Variants in TECTA observed in about 807,000 individuals in gnomAD.
TECTA encodes alpha-tectorin.
TECTA carries 128 observed loss-of-function variants against 216.8 expected under a neutral mutation model. The observed-to-expected ratio is 0.59, with a 90% CI of 0.51 to 0.68. The LOEUF (loss-of-function observed/expected upper bound fraction) is 0.68. Among genes scored for constraint, TECTA ranks in the 30% least tolerant of loss-of-function variants. The pLI is 0.00. For synonymous variants in TECTA, 1,089 were observed against 1,117.1 expected, an observed-to-expected ratio of 0.97 and a Z score of 0.50; for missense variants, 2,551 against 2,786.2, an observed-to-expected ratio of 0.92 and a Z score of 1.90.
rs1419633165 is a variant in TECTA, at chr11:121,129,778, G to A, written c.2508G>A (p.Arg836=). Residue 836 remains arginine, a synonymous_variant, in exon 10 of 24, where the codon CGG becomes CGA. Transcript: ENST00000392793. ...QYSDIGLLYI[R]LSTTYFNCTG... is the part of the protein sequence containing the mutation. ...CAGACATAGGTCTATTGTACATCCG[G>A]CTGTCCACCACATACTTCAATTGCA... The A allele has an allele frequency of 1.2e-6, 2 of 1,614,190 alleles. No homozygotes were observed. The highest frequency in any genetic ancestry group is 1.7e-6 in the Non-Finnish European group (2 of 1,180,034).
intron 6 of TECTA, among the ~76,000 whole-genome samples, chr11:121,115,446 CAT>C (rs1413082712): frequency 6.6e-6 from 1 of 152,142 alleles, no homozygotes; most frequent in Non-Finnish European, 1.5e-5. Context: ...CAGCATAAGA[CAT>C]ATTATGGTAG....
At chr11:121,103,855 A>G (rs1303750057) in intron 2 of TECTA, among the ~76,000 whole-genome samples, 5 of 152,178 alleles carry the variant, frequency 3.3e-5, no homozygotes, top group Admixed American at 6.5e-5. Flanking sequence ...CCTTCTTAAA[A>G]TTAAAAATAT....
intron 7 of TECTA, among the ~76,000 whole-genome samples, chr11:121,125,061 C>G (rs918024410): frequency 6.6e-6 from 1 of 152,256 alleles, no homozygotes; most frequent in Admixed American, 6.5e-5. Flanking sequence ...CGTAGTGGCA[C>G]TCTGTATGCC....
chr11:121,189,697 C>A, intron 22 of TECTA, 67 bp from the exon 23 acceptor site: 3 of 1,482,670 alleles, frequency 2.0e-6, no homozygotes, highest in Non-Finnish European at 2.8e-6. Context: ...TTTTAAAGCC[C>A]TTCCCTTCAA....
intron 4 of TECTA, among the ~76,000 whole-genome samples, chr11:121,112,816 G>A (rs1946454524): frequency 1.3e-5 from 2 of 152,244 alleles, no homozygotes. Context: ...AGAAGTCAGA[G>A]ATATAAGTGG....
At chr11:121,108,249 G>T (rs1006307508) in intron 3 of TECTA, among the ~76,000 whole-genome samples, 2 of 151,602 alleles carry the variant, frequency 1.3e-5, no homozygotes, top group Non-Finnish European at 2.9e-5. Flanking sequence ...CTCCCTGTCT[G>T]GCCCAGCACA....
chr11:121,131,060 A>C (rs1946669638), intron 10 of TECTA, among the ~76,000 whole-genome samples: 1 of 151,762 alleles, frequency 6.6e-6, no homozygotes, highest in East Asian at 1.9e-4. Flanking sequence ...TAAAAATACA[A>C]AAAATTAGCC....
intron 10 of TECTA, among the ~76,000 whole-genome samples, chr11:121,135,042 C>A (rs143151659): frequency 1.3e-5 from 2 of 152,176 alleles, no homozygotes; most frequent in Non-Finnish European, 2.9e-5. Context: ...CTTGAGATGT[C>A]CCCCAGGATG....
chr11:121,125,968 G>A, intron 8 of TECTA, 96 bp downstream of exon 8: 1 of 1,415,402 alleles, frequency 7.1e-7, no homozygotes, highest in Non-Finnish European at 9.7e-7. Flanking sequence ...TAAGACTTGT[G>A]ACCCAAGAAT....
In TECTA at chr11:121,118,313, C is replaced by G; in HGVS notation, c.798C>G (p.Phe266Leu). Reference sequence around the variant, plus strand: ...AATGTCATTATTCCCCAGGACAATTCCTTCGGCGAGGGGAGGTGTTTTGGG... The same window carrying G: ...AATGTCATTATTCCCCAGGACAATTGCTTCGGCGAGGGGAGGTGTTTTGGG... ...PANGCTSRGQ[F>L]LRRGEVFWDD... The change falls in exon 7 of 24, where the codon TTC (phenylalanine) becomes TTG (leucine). Residue 266 changes from phenylalanine (F) to leucine (L), a missense_variant. Physicochemically the swap from Phe to Leu is conservative, Grantham distance 22 (BLOSUM62 0). This residue lies in a region of TECTA where 2,375 missense variants were observed against 2,563.9 expected (regional missense o/e 0.93). Transcript: ENST00000392793. The G allele has an allele frequency of 6.2e-7, 1 of 1,614,118 alleles. No homozygotes were observed. Among genetic ancestry groups the G allele is most frequent in the African/African-American group, 1.3e-5 (1 of 75,054 alleles).
rs775235693 is a variant in TECTA, at chr11:121,127,994, G to C, written c.2017G>C (p.Val673Leu). Reference sequence around the variant, plus strand: ...CTTCTGGGCCACGGCCAACTGCACTGTGCAATGCCTGTGCGAGGAGGGCGG... The same window carrying C: ...CTTCTGGGCCACGGCCAACTGCACTCTGCAATGCCTGTGCGAGGAGGGCGG... ...EFFWATANCT[V>L]QCLCEEGGDV... The change falls in exon 9 of 24, where the codon GTG becomes CTG. Residue 673 changes from valine to leucine, a missense_variant. Around this residue, in one of 3 missense-constraint regions of TECTA, gnomAD observed 2,375 missense variants for 2,563.9 expected, o/e 0.93. Coordinates refer to ENST00000392793, the MANE Select transcript of TECTA (RefSeq NM_005422.4). The surrounding 1 kb of genome is among the most constrained non-coding windows in gnomAD (Gnocchi z 5.0). The C allele has an allele frequency of 1.9e-6, 3 of 1,614,080 alleles. No individual in the cohort carries two copies. Among genetic ancestry groups the C allele is most frequent in the Middle Eastern group, 1.6e-4 (1 of 6,062 alleles).
At chr11:121,109,162 G>A in intron 3 of TECTA, 49 bp from the exon 4 acceptor site, 1 of 1,603,846 alleles carries the variant, frequency 6.2e-7, no homozygotes, top group East Asian at 2.2e-5. Flanking sequence ...TGACTCTGAA[G>A]TTGTTATGGT....
intron 6 of TECTA, among the ~76,000 whole-genome samples, chr11:121,114,207 A>G (rs1163770020): frequency 6.6e-6 from 1 of 152,202 alleles, no homozygotes; most frequent in Non-Finnish European, 1.5e-5. Flanking sequence ...TATGATTAGA[A>G]AAAAAAGAAA....
At chr11:121,181,229 A>T (rs1324900644) in intron 20 of TECTA, among the ~76,000 whole-genome samples, 1 of 152,086 alleles carries the variant, frequency 6.6e-6, no homozygotes, top group Non-Finnish European at 1.5e-5. Flanking sequence ...GTATTTTTTA[A>T]TTTCATTCAT....
chr11:121,111,543 G>T (rs1189592378), intron 4 of TECTA, among the ~76,000 whole-genome samples: 6 of 152,184 alleles, frequency 3.9e-5, no homozygotes, highest in Non-Finnish European at 8.8e-5. Context: ...GGGTGTCACT[G>T]GTATGGCTGG....
chr11:121,175,343 TC>T (rs1947154726), intron 20 of TECTA, among the ~76,000 whole-genome samples: 1 of 152,130 alleles, frequency 6.6e-6, no homozygotes, highest in East Asian at 1.9e-4. Flanking sequence ...GCTATAAATT[TC>T]CCTCTACACA....
intron 20 of TECTA, among the ~76,000 whole-genome samples, chr11:121,180,461 C>G (rs1947215577): frequency 6.6e-6 from 1 of 152,156 alleles, no homozygotes; most frequent in African/African-American, 2.4e-5. Context: ...TCCTATCCTA[C>G]AAGAGTTCTG....
chr11:121,167,431 A>G (rs893691265), intron 18 of TECTA, among the ~76,000 whole-genome samples: 16 of 152,320 alleles, frequency 1.1e-4, no homozygotes, highest in Admixed American at 9.8e-4. Flanking sequence ...CCCTGTTGCT[A>G]AAAACAAAAC....
At chr11:121,129,588 A>G in intron 9 of TECTA, 50 bp from the exon 10 acceptor site, 1 of 1,588,794 alleles carries the variant, frequency 6.3e-7, no homozygotes, top group South Asian at 1.1e-5. Context: ...TAGGAAATGG[A>G]AAGTGCTCTG....
Sources: allele counts gnomAD v4.1 joint callset (sites outside exome capture counted in the v4.1 genomes callset), GRCh38; gene constraint gnomAD v4.1.1; regional missense constraint gnomAD v4.1.1; non-coding constraint Gnocchi (gnomAD v3.1); transcripts MANE v1.5; gene names NCBI Gene and HGNC (gene_info 2026-07-23, HGNC 2026-07-21).